The following LTBP3 variants were observed in gnomAD, a reference collection of about 807,000 sequenced individuals.
The protein encoded by LTBP3 is latent-transforming growth factor beta-binding protein 3.
In LTBP3, 97 loss-of-function variants were observed where a neutral mutation model predicts 159.7. The ratio of observed to expected loss-of-function variants is 0.61; its 90% CI spans 0.52 to 0.72. The LOEUF (loss-of-function observed/expected upper bound fraction) is 0.72, where lower values mean the gene tolerates loss of function less well. Ranked by LOEUF, LTBP3 falls within the 30% of genes least tolerant of loss-of-function variation. The pLI is 0.00. For missense variants in LTBP3, 1,584 were observed against 1,864.3 expected, an observed-to-expected ratio of 0.85 and a Z score of 2.77; for synonymous variants, 824 against 777.1, an observed-to-expected ratio of 1.06 and a Z score of -1.00.
chr11:65,545,846 C>A (rs1005436360), intron 16 of LTBP3: 55 of 187,334 alleles, frequency 2.9e-4, no homozygotes, highest in Non-Finnish European at 5.6e-5. Flanking sequence ...TGTCCCTCCC[C>A]GGCCAGCCTC....
rs369724927 is a variant in LTBP3, at chr11:65,553,389, C to G, written c.970+36G>C. The G allele has an allele frequency of 2.3e-4, 363 of 1,557,938 alleles. No individual in the cohort carries two copies. Among genetic ancestry groups the G allele is most frequent in the Admixed American group, 5.0e-5 (3 of 59,670 alleles). On this transcript the variant is annotated intron_variant, in intron 4 of 27. Transcript: ENST00000301873. The surrounding 1 kb of genome is among the most constrained non-coding windows in gnomAD (Gnocchi z 6.5). ...GGGTGGGGTGGGTGGGGAGGGGCCA[C>G]CAGATAGGGAACGCCCCCTGAGCCC... is the stretch of plus-strand genomic sequence containing the variant.
intron 1 of LTBP3, 32 bp downstream of exon 1, chr11:65,557,596 TC>T: frequency 6.2e-7 from 1 of 1,604,010 alleles, no homozygotes. Flanking sequence ...TGCCTGTCCT[TC>T]CCCTGCCCCC....
rs2135131479 is a variant in LTBP3, at chr11:65,543,454, G to C, written c.2449C>G (p.Leu817Val). Residue 817 changes from leucine to valine, a missense_variant, in exon 17 of 28, where the codon CTG becomes GTG. Around this residue, in one of 6 missense-constraint regions of LTBP3, gnomAD observed 565 missense variants for 677.7 expected, o/e 0.83. Coordinates refer to ENST00000301873, the MANE Select transcript of LTBP3 (RefSeq NM_001130144.3). Reference sequence around the variant, plus strand: ...TCGCAGTGGCTCCGGTCCCTGGACAGATGGTAGCCAGAGAGGCACTGACAC... The same window carrying C: ...TCGCAGTGGCTCCGGTCCCTGGACACATGGTAGCCAGAGAGGCACTGACAC... Reference protein sequence around the residue: ...FQCQCLSGYHLSRDRSHCEDI... With the variant: ...FQCQCLSGYHVSRDRSHCEDI... 1.2e-6 allele frequency: 2 copies of C among 1,614,152 alleles called. No homozygotes were observed. The highest frequency in any genetic ancestry group is 1.7e-6 in the Non-Finnish European group (2 of 1,179,998).
Position 65,541,131 on chromosome 11 carries a change from C to CTACA in LTBP3, c.2887_2888insTGTA (p.Ser963MetfsTer2). The CTACA allele has an allele frequency of 2.5e-6, 4 of 1,612,968 alleles. No homozygotes were observed. The highest frequency in any genetic ancestry group is 3.4e-6 in the Non-Finnish European group (4 of 1,179,868). On this transcript the variant is annotated stop_gained and frameshift_variant, in exon 20 of 28. Coordinates refer to ENST00000301873, the MANE Select transcript of LTBP3 (RefSeq NM_001130144.3). LOFTEE classifies it high-confidence loss of function. Reference sequence around the variant, plus strand: ...GGGCCTGCCCGGCTCCTGACCTGAGCTGTAGACTGGGCAGGGGTAGATTTC... The same window carrying CTACA: ...GGGCCTGCCCGGCTCCTGACCTGAGCTACATGTAGACTGGGCAGGGGTAGATTTC...
At chr11:65,544,240 C>T in intron 16 of LTBP3, 1 of 155,562 alleles carries the variant, frequency 6.4e-6, no homozygotes. Context: ...CACCCTGGGG[C>T]CCTCAGAGGC....
chr11:65,544,897 C>T (rs1348684849), intron 16 of LTBP3: 1 of 152,490 alleles, frequency 6.6e-6, no homozygotes, highest in Non-Finnish European at 1.5e-5. Context: ...ACCAAAGCCC[C>T]ACTTTGGAAG....
At position 65,557,948 on chromosome 11, in the gene LTBP3, G is replaced by A; in HGVS notation, c.12C>T (p.Pro4=). The A allele has an allele frequency of 1.7e-6, 2 of 1,173,726 alleles. No individual in the cohort carries two copies. Among genetic ancestry groups the A allele is most frequent in the Non-Finnish European group, 2.1e-6 (2 of 951,880 alleles). 72.7% of individuals were successfully genotyped at this position (1,173,726 alleles called of 1,614,324 possible). Residue 4 remains proline, a synonymous_variant, in exon 1 of 28, where the codon CCC becomes CCT. Coordinates refer to ENST00000301873, the MANE Select transcript of LTBP3 (RefSeq NM_001130144.3). MPG[P]RGAAGGLAPE... is the part of the protein sequence containing the mutation. ...GGGCCAGGCCGCCAGCAGCCCCTCG[G>A]GGCCCGGGCATCCGGGGCCGCAGGA...
chr11:65,539,977 GC>G, intron 24 of LTBP3, 35 bp downstream of exon 24: 2 of 1,460,910 alleles, frequency 1.4e-6, no homozygotes, highest in Non-Finnish European at 1.8e-6. Flanking sequence ...GACGGACAGG[GC>G]CCCGGGATCG....
rs1258638989 is a variant in LTBP3, at chr11:65,540,860, A to G, written c.2977+11T>C. On this transcript the variant is annotated intron_variant, in intron 21 of 27. Coordinates refer to ENST00000301873, the MANE Select transcript of LTBP3 (RefSeq NM_001130144.3). ...GAGGGCGCGGGGCGGGCGGAGCCGC[A>G]GGGCGCTTACCACGGTGGGCTGGGA... is the stretch of plus-strand genomic sequence containing the variant. 1 of 1,607,572 alleles carries G rather than the reference A, an allele frequency of 6.2e-7. No homozygotes were observed. The highest frequency in any genetic ancestry group is 8.5e-7 in the Non-Finnish European group (1 of 1,177,094).
At chr11:65,540,635 G>A (rs1369806337) in intron 21 of LTBP3, 21 bp from the exon 22 acceptor site, 1 of 1,605,654 alleles carries the variant, frequency 6.2e-7, no homozygotes, top group Non-Finnish European at 8.5e-7. Flanking sequence ...ACAAACACTG[G>A]CCGCTCCGGT....
Position 65,553,536 on chromosome 11 carries a change from G to A in LTBP3, c.865-6C>T, listed in dbSNP as rs1856689002. 2 of 1,570,154 alleles carry A rather than the reference G, an allele frequency of 1.3e-6. No homozygotes were observed. The highest frequency in any genetic ancestry group is 1.8e-6 in the Non-Finnish European group (2 of 1,142,506). On this transcript the variant is annotated splice_polypyrimidine_tract_variant and splice_region_variant and intron_variant, in intron 3 of 27. Transcript: ENST00000301873. This position sits in a 1 kb window ranked among gnomAD's most constrained non-coding sequence, Gnocchi z 6.5. Reference sequence around the variant, plus strand: ...GGGAGGGGGTTGCTGCCACACTAGGGGAAGGAGGGGGAGGTGGGGTCACAG... The same window carrying A: ...GGGAGGGGGTTGCTGCCACACTAGGAGAAGGAGGGGGAGGTGGGGTCACAG...
At chr11:65,543,684 C>A (rs2135131978) in intron 16 of LTBP3, 135 bp from the exon 17 acceptor site, 3 of 1,184,282 alleles carry the variant, frequency 2.5e-6, no homozygotes, top group Non-Finnish European at 3.7e-6. Context: ...CCTCACCCTG[C>A]TTCTGGGTGG....
chr11:65,550,096 T>C (rs1856546484), intron 11 of LTBP3, among the ~76,000 whole-genome samples: 1 of 151,932 alleles, frequency 6.6e-6, no homozygotes, highest in Admixed American at 6.6e-5. Context: ...GAATCTCCTA[T>C]GTCTTATAAA....
At position 65,538,966 on chromosome 11, in the gene LTBP3, G is replaced by C. The variant is rs995003594; in HGVS notation, c.*114C>G. On this transcript the variant is annotated 3_prime_UTR_variant, in exon 28 of 28. Transcript: ENST00000301873. ...GGGTCTCAAGGCGCCGGGAGGGTCTGCGGGCCCTGAAGGTCCCTGGGTCCG... is the reference window on the plus strand; with the variant it reads ...GGGTCTCAAGGCGCCGGGAGGGTCTCCGGGCCCTGAAGGTCCCTGGGTCCG... 3.0e-6 allele frequency: 4 copies of C among 1,316,064 alleles called. No individual in the cohort carries two copies. In the African/African-American group the frequency reaches 6.2e-5, roughly 21 times the overall value. The allele number at this position is 1,316,064 out of a possible 1,614,324, so 81.5% of individuals were successfully genotyped here.
In LTBP3 at chr11:65,540,857, C is replaced by G. The variant is rs760512775; in HGVS notation, c.2977+14G>C. The G allele has an allele frequency of 3.1e-6, 5 of 1,606,524 alleles. No individual in the cohort carries two copies. Among genetic ancestry groups the G allele is most frequent in the Non-Finnish European group, 4.2e-6 (5 of 1,176,690 alleles). On this transcript the variant is annotated intron_variant, in intron 21 of 27. Transcript: ENST00000301873. ...TGAGAGGGCGCGGGGCGGGCGGAGC[C>G]GCAGGGCGCTTACCACGGTGGGCTG...
Position 65,543,431 on chromosome 11 carries a change from G to A in LTBP3, c.2472C>T (p.Cys824=), listed in dbSNP as rs754482985. Residue 824 remains cysteine (C), a synonymous_variant, in exon 17 of 28, where the codon TGC becomes TGT. Transcript: ENST00000301873. The stretch of plus-strand genomic sequence containing the variant: ...CCCAGCTCTAAGATCCCTCACCCTC[G>A]CAGTGGCTCCGGTCCCTGGACAGAT... ...GYHLSRDRSH[C]EDIDECDFPA... The A allele has an allele frequency of 1.1e-5, 18 of 1,613,930 alleles. No individual in the cohort carries two copies. The highest frequency in any genetic ancestry group is 6.7e-5 in the Admixed American group (4 of 59,988).
chr11:65,542,381 CTTTT>C (rs775859883), intron 18 of LTBP3: 19 of 91,980 alleles, frequency 2.1e-4, no homozygotes, highest in African/African-American at 8.0e-4. Context: ...GCTCAATAAA[CTTTT>C]TTTTTTTTTT....
chr11:65,542,929 G>C (rs1307142942), intron 18 of LTBP3, 176 bp downstream of exon 18: 1 of 882,130 alleles, frequency 1.1e-6, no homozygotes, highest in Non-Finnish European at 1.8e-6. Context: ...TGGATGGATA[G>C]AAGGATGGAT....
rs1856402911 is a variant in LTBP3, at chr11:65,547,035, A to G, written c.2108-115T>C. 2 of 1,461,148 alleles carry G rather than the reference A, an allele frequency of 1.4e-6. No individual in the cohort carries two copies. Among genetic ancestry groups the G allele is most frequent in the Non-Finnish European group, 9.3e-7 (1 of 1,070,156 alleles). The allele number at this position is 1,461,148 out of a possible 1,614,324, so 90.5% of individuals were successfully genotyped here. A position where few individuals can be genotyped will look rare whatever the true frequency, so the allele number is the denominator to read the frequency against. ...CAGATCAACGAGGCTCCCGGACCCC[A>G]ACCTCTGAGAGGCCCAGAGCCGAGC... On this transcript the variant is annotated intron_variant, in intron 14 of 27. Coordinates refer to ENST00000301873, the MANE Select transcript of LTBP3 (RefSeq NM_001130144.3). This position sits in a 1 kb window ranked among gnomAD's most constrained non-coding sequence, Gnocchi z 4.6.
Sources: gnomAD v4.1 joint callset for allele counts (sites outside exome capture counted in the v4.1 genomes callset) on GRCh38, gnomAD v4.1.1 for gene constraint, gnomAD v4.1.1 regional missense constraint, Gnocchi (gnomAD v3.1) non-coding constraint, MANE v1.5 for transcripts, NCBI Gene and HGNC (gene_info 2026-07-23, HGNC 2026-07-21) for gene names.